Variants in KLF16 observed in about 807,000 individuals in gnomAD.
KLF16 encodes the protein KLF transcription factor 16, also known as Krueppel-like factor 16.
A neutral mutation model predicts 6.1 loss-of-function variants in KLF16; 6 were observed. The observed-to-expected ratio is 0.98, with a 90% CI of 0.54 to 1.93. KLF16 has a LOEUF of 1.93. KLF16 is among the 30% of genes most tolerant of loss of function. KLF16 has a pLI of 0.01. For missense variants in KLF16, 355 were observed against 363.8 expected (o/e 0.98, Z 0.20); for synonymous variants, 211 against 176.5 (o/e 1.20, Z -1.55).
the KLF16 span, among the ~76,000 whole-genome samples, chr19:1,872,790 C>T: frequency 6.6e-6 from 1 of 150,798 alleles, no homozygotes; most frequent in Non-Finnish European, 1.5e-5. Flanking sequence ...GGGACAGTCA[C>T]CCCAGCAGCC....
At chr19:1,872,746 C>T in the KLF16 span, among the ~76,000 whole-genome samples, 3 of 151,720 alleles carry the variant, frequency 2.0e-5, no homozygotes, top group African/African-American at 7.3e-5. Flanking sequence ...CGGGCCTGGC[C>T]GGGGTCTCGG....
chr19:1,857,594 T>G lies in KLF16; in HGVS notation c.458-2834A>C, dbSNP rs2011980735. ...CACAGGAGGGGCCTGGAGACAGGACTGCGGGACTGTGCCAAGGGCCCTGGT... is the reference window on the plus strand; with the variant it reads ...CACAGGAGGGGCCTGGAGACAGGACGGCGGGACTGTGCCAAGGGCCCTGGT... On this transcript the variant is annotated intron_variant, in intron 1 of 1. Coordinates refer to ENST00000250916, the MANE Select transcript of KLF16 (RefSeq NM_031918.4). This position sits in a 1 kb window ranked among gnomAD's most constrained non-coding sequence, Gnocchi z 4.7. Among the ~76,000 whole-genome samples the G allele has an allele frequency of 6.6e-6, 1 of 151,304 alleles. No homozygotes were observed. The highest frequency in any genetic ancestry group is 1.5e-5 in the Non-Finnish European group (1 of 67,800).
chr19:1,858,064 T>G (rs1016495542), intron 1 of KLF16, among the ~76,000 whole-genome samples: 1 of 134,708 alleles, frequency 7.4e-6, no homozygotes, highest in African/African-American at 2.9e-5. Context: ...CCATCCCCAC[T>G]CCTCCAGTAG....
chr19:1,865,165 C>A (rs1192434978), upstream of KLF16, among the ~76,000 whole-genome samples: 2 of 152,214 alleles, frequency 1.3e-5, no homozygotes, highest in African/African-American at 4.8e-5. Flanking sequence ...AGAGCGGAGC[C>A]GAGAGAGAGG....
At chr19:1,873,143 G>A in the KLF16 span, among the ~76,000 whole-genome samples, 1 of 152,344 alleles carries the variant, frequency 6.6e-6, no homozygotes, top group Admixed American at 6.5e-5. Context: ...CTCAGGTCAT[G>A]CAGAACAGAG....
chr19:1,857,179 G>A lies in KLF16; in HGVS notation c.458-2419C>T, dbSNP rs373490929. Among the ~76,000 whole-genome samples the A allele has an allele frequency of 6.6e-6, 1 of 152,188 alleles. No individual in the cohort carries two copies. The highest frequency in any genetic ancestry group is 1.5e-5 in the Non-Finnish European group (1 of 68,014). On this transcript the variant is annotated intron_variant, in intron 1 of 1. Coordinates refer to ENST00000250916, the MANE Select transcript of KLF16 (RefSeq NM_031918.4). The surrounding 1 kb of genome is among the most constrained non-coding windows in gnomAD (Gnocchi z 4.7). The stretch of plus-strand genomic sequence containing the variant: ...GAGGCGCGCACATGCGCACGTGGGT[G>A]GCGGGGCAGGGGGTGCACGGGCTAC...
chr19:1,868,642 CTTTTTT>C, the KLF16 span, among the ~76,000 whole-genome samples: 2 of 117,582 alleles, frequency 1.7e-5, no homozygotes, highest in East Asian at 4.6e-4. Flanking sequence ...CCACACCGGG[CTTTTTT>C]TTTTTTTTTT....
chr19:1,863,273 C>A lies in KLF16; in HGVS notation c.225G>T (p.Ala75=). ...ASGPGPGAAA[A]PHLLAASILA... is the part of the protein sequence containing the mutation. ...GGATGCTGGCGGCCAGCAGGTGGGG[C>A]GCCGCGGCGGCGCCGGGGCCCGGGC... The change falls in exon 1 of 2, where the codon GCG becomes GCT. Residue 75 remains alanine (A), a synonymous_variant. Coordinates refer to ENST00000250916, the MANE Select transcript of KLF16 (RefSeq NM_031918.4). The A allele has an allele frequency of 1.0e-6, 1 of 993,954 alleles. No individual in the cohort carries two copies. The highest frequency in any genetic ancestry group is 1.2e-6 in the Non-Finnish European group (1 of 838,016). The allele number at this position is 993,954 out of a possible 1,614,324, so 61.6% of individuals were successfully genotyped here.
chr19:1,856,222 G>C (rs1284016581), intron 1 of KLF16, among the ~76,000 whole-genome samples: 1 of 152,122 alleles, frequency 6.6e-6, no homozygotes, highest in East Asian at 1.9e-4. Context: ...GGGTGACCGA[G>C]TGACATCTCT....
chr19:1,863,856 C>T (rs369147604), upstream of KLF16, among the ~76,000 whole-genome samples: 463 of 147,076 alleles, frequency 3.1e-3, 3 homozygotes, highest in Non-Finnish European at 5.3e-3. Context: ...CCTCCGCCAG[C>T]GCCTAGCGTC....
upstream of KLF16, among the ~76,000 whole-genome samples, chr19:1,868,488 T>A (rs1171379952): frequency 2.7e-5 from 3 of 112,144 alleles, no homozygotes; most frequent in South Asian, 3.1e-4. Flanking sequence ...TTTTTTTTTT[T>A]TTTTTTTTTT....
At chr19:1,859,453 A>C (rs2012019390) in intron 1 of KLF16, among the ~76,000 whole-genome samples, 1 of 151,578 alleles carries the variant, frequency 6.6e-6, no homozygotes, top group Admixed American at 6.6e-5. Context: ...CTTCTCCATA[A>C]ATGGATTTGC....
chr19:1,873,501 C>T, the KLF16 span, among the ~76,000 whole-genome samples: 4 of 151,846 alleles, frequency 2.6e-5, no homozygotes, highest in East Asian at 1.9e-4. Context: ...GTGTCTGTCC[C>T]GTCACCCAGG....
chr19:1,856,520 C>T (rs2011952840), intron 1 of KLF16, among the ~76,000 whole-genome samples: 2 of 152,188 alleles, frequency 1.3e-5, no homozygotes, highest in African/African-American at 2.4e-5. Context: ...AGCCTCAAAT[C>T]CCTGGGGCTG....
chr19:1,857,035 A>T lies in KLF16; in HGVS notation c.458-2275T>A, dbSNP rs1228174325. Among the ~76,000 whole-genome samples, 2 of 144,654 alleles carry T rather than the reference A, an allele frequency of 1.4e-5. No individual in the cohort carries two copies. The highest frequency in any genetic ancestry group is 3.0e-5 in the Non-Finnish European group (2 of 67,338). The allele number at this position is 144,654 out of a possible 152,430, so 94.9% of individuals were successfully genotyped here. A position where few individuals can be genotyped will look rare whatever the true frequency, so the allele number is the denominator to read the frequency against. ...GTAGCTCGGCGGCGGCGGCGGGGACATCCGCAGCCCCAGCCGGCCCCGCTC... is the reference window on the plus strand; with the variant it reads ...GTAGCTCGGCGGCGGCGGCGGGGACTTCCGCAGCCCCAGCCGGCCCCGCTC... On this transcript the variant is annotated intron_variant, in intron 1 of 1. Transcript: ENST00000250916. This position sits in a 1 kb window ranked among gnomAD's most constrained non-coding sequence, Gnocchi z 4.7.
Position 1,853,567 on chromosome 19 carries a change from C to T in KLF16, c.*892G>A, listed in dbSNP as rs1217862621. 1 of 152,498 alleles carries T rather than the reference C, an allele frequency of 6.6e-6. No individual in the cohort carries two copies. The highest frequency in any genetic ancestry group is 1.5e-5 in the Non-Finnish European group (1 of 68,102). 9.4% of individuals were successfully genotyped at this position (152,498 alleles called of 1,614,324 possible). ...GTCGTTAAGGGAGAGTTGATTGTCA[C>T]GTGATACCGCAACGGCCAAAGTCAG... On this transcript the variant is annotated 3_prime_UTR_variant, in exon 2 of 2. Coordinates refer to ENST00000250916, the MANE Select transcript of KLF16 (RefSeq NM_031918.4).
At position 1,854,259 on chromosome 19, in the gene KLF16, C is replaced by A. The variant is rs540800940; in HGVS notation, c.*200G>T. The A allele has an allele frequency of 1.8e-6, 1 of 559,600 alleles. No homozygotes were observed. Among genetic ancestry groups the A allele is most frequent in the Non-Finnish European group, 2.8e-6 (1 of 355,044 alleles). 34.7% of individuals were successfully genotyped at this position (559,600 alleles called of 1,614,324 possible). A position where few individuals can be genotyped will look rare whatever the true frequency, so the allele number is the denominator to read the frequency against. ...ATGGCTATTTACAGACACAAGCCCC[C>A]GTCACCCATCCTGAGAGCCACCTCT... On this transcript the variant is annotated 3_prime_UTR_variant, in exon 2 of 2. Transcript: ENST00000250916.
At position 1,854,108 on chromosome 19, in the gene KLF16, GTCCAC is replaced by G. The variant is rs2011894483; in HGVS notation, c.*346_*350del. ...GCTTTCCCCGGGCCGGCTCCCAGAAGTCCACTCCACCCCCCCAAACCCCACCCCGG... is the reference window on the plus strand; with the variant it reads ...GCTTTCCCCGGGCCGGCTCCCAGAAGTCCACCCCCCCAAACCCCACCCCGG... On this transcript the variant is annotated 3_prime_UTR_variant, in exon 2 of 2. Coordinates refer to ENST00000250916, the MANE Select transcript of KLF16 (RefSeq NM_031918.4). The G allele has an allele frequency of 7.8e-6, 2 of 255,556 alleles. No homozygotes were observed. Among genetic ancestry groups the G allele is most frequent in the East Asian group, 1.5e-4 (2 of 12,922 alleles). The allele number at this position is 255,556 out of a possible 1,614,324, so 15.8% of individuals were successfully genotyped here.
At chr19:1,864,425 G>A, upstream of KLF16, among the ~76,000 whole-genome samples, 1 of 151,004 alleles carries the variant, frequency 6.6e-6, no homozygotes, top group Admixed American at 6.6e-5. Context: ...CCGCGCCCGC[G>A]GCGGGGCCCG....
Sources: allele counts gnomAD v4.1 joint callset (sites outside exome capture counted in the v4.1 genomes callset), GRCh38; gene constraint gnomAD v4.1.1; non-coding constraint Gnocchi (gnomAD v3.1); transcripts MANE v1.5; gene names NCBI Gene and HGNC (gene_info 2026-07-23, HGNC 2026-07-21).